Variants in BIRC6 observed in about 807,000 individuals in gnomAD.
The protein encoded by BIRC6 is baculoviral IAP repeat containing 6.
BIRC6 carries 98 observed loss-of-function variants against 503.3 expected under a neutral mutation model. That is an observed-to-expected ratio of 0.19 (90% CI 0.17 to 0.23). BIRC6 has a LOEUF of 0.23. Ranked by LOEUF, BIRC6 falls within the 10% of genes least tolerant of loss-of-function variation. The pLI is 1.00. For synonymous variants in BIRC6, 2,240 were observed against 2,078.7 expected, an observed-to-expected ratio of 1.08 and a Z score of -2.11; for missense variants, 5,360 against 5,806.0, an observed-to-expected ratio of 0.92 and a Z score of 2.50.
At position 32,499,993 on chromosome 2, in the gene BIRC6, G is replaced by T. The variant is rs147986197; in HGVS notation, c.8915G>T (p.Ser2972Ile). 1.2e-5 allele frequency: 19 copies of T among 1,613,876 alleles called. No homozygotes were observed. The highest frequency in any genetic ancestry group is 1.6e-5 in the Non-Finnish European group (19 of 1,179,882). Residue 2972 changes from serine to isoleucine, a missense_variant, in exon 46 of 74, where the codon AGT (serine) becomes ATT (isoleucine). Coordinates refer to ENST00000421745, the MANE Select transcript of BIRC6 (RefSeq NM_016252.4). ...GGKDGNGSST[S>I]VQGSPAYVAD... ...AAAGATGGCAATGGAAGCAGTACCAGTGTTCAAGGATCGCCTGCATATGTT... is the reference window on the plus strand; with the variant it reads ...AAAGATGGCAATGGAAGCAGTACCATTGTTCAAGGATCGCCTGCATATGTT...
rs1483710983 is a variant in BIRC6 at position 32,481,376 on chromosome 2, C to A, written c.7465C>A (p.Gln2489Lys). The change falls in exon 38 of 74, where the codon CAG becomes AAG. Residue 2489 changes from glutamine to lysine, a missense_variant. Gln to Lys is a moderately conservative substitution (Grantham distance 53, BLOSUM62 1). Coordinates refer to ENST00000421745, the MANE Select transcript of BIRC6 (RefSeq NM_016252.4). ...TAAAGAAATTGACCTTGAGTTACTTCAGGATCTAATGGAAGTTGACATTGA... is the reference window on the plus strand; with the variant it reads ...TAAAGAAATTGACCTTGAGTTACTTAAGGATCTAATGGAAGTTGACATTGA... ...KDKEIDLELL[Q>K]DLMEVDIDPL... 6.2e-7 allele frequency: 1 copy of A among 1,611,544 alleles called. No homozygotes were observed. The highest frequency in any genetic ancestry group is 1.1e-5 in the South Asian group (1 of 90,824).
chr2:32,432,197 G>T (rs563129822), intron 12 of BIRC6, among the ~76,000 whole-genome samples: 4 of 152,180 alleles, frequency 2.6e-5, no homozygotes, highest in Non-Finnish European at 4.4e-5. Context: ...AGGTAAATCA[G>T]TTGAGGCCAG....
chr2:32,573,198 GT>G lies in BIRC6; in HGVS notation c.13145-1952del, dbSNP rs1275708919. ...GTCCAGCAACAGGTTTTCAGTAAATGTTTTTTGTTTGTTTGTTTTTGAGACT... is the reference window on the plus strand; with the variant it reads ...GTCCAGCAACAGGTTTTCAGTAAATGTTTTTGTTTGTTTGTTTTTGAGACT... On this transcript the variant is annotated intron_variant, in intron 65 of 73. Transcript: ENST00000421745. 2.0e-5 allele frequency among the ~76,000 whole-genome samples: 3 copies of G among 152,150 alleles called. No individual in the cohort carries two copies. In the East Asian group the frequency reaches 5.8e-4, roughly 29 times the overall value.
At chr2:32,609,035 G>A (rs1483275320) in intron 72 of BIRC6, among the ~76,000 whole-genome samples, 2 of 151,116 alleles carry the variant, frequency 1.3e-5, no homozygotes, top group Admixed American at 6.6e-5. Flanking sequence ...GCATACCACC[G>A]CAACTGGCTA....
rs2048742825 is a variant in BIRC6, at chr2:32,468,054, C to T, written c.5723C>T (p.Pro1908Leu). 1.2e-6 allele frequency: 2 copies of T among 1,613,732 alleles called. No homozygotes were observed. Among genetic ancestry groups the T allele is most frequent in the Non-Finnish European group, 1.7e-6 (2 of 1,179,860 alleles). Residue 1908 changes from proline to leucine, a missense_variant, in exon 28 of 74, where the codon CCA becomes CTA. Pro to Leu is a moderately conservative substitution (Grantham distance 98). Around this residue, in one of 16 missense-constraint regions of BIRC6, gnomAD observed 2,299 missense variants for 2,267.2 expected, o/e 1.01. Coordinates refer to ENST00000421745, the MANE Select transcript of BIRC6 (RefSeq NM_016252.4). Reference sequence around the variant, plus strand: ...GGAGAGGGAGAATCTGCAAACCAGCCAGAAATTGACCAGCATTTAGCAATG... The same window carrying T: ...GGAGAGGGAGAATCTGCAAACCAGCTAGAAATTGACCAGCATTTAGCAATG... ...LKGEGESANQ[P>L]EIDQHLAMMV...
chr2:32,606,725 G>T (rs1184102542), intron 71 of BIRC6, among the ~76,000 whole-genome samples: 1 of 151,982 alleles, frequency 6.6e-6, no homozygotes, highest in Non-Finnish European at 1.5e-5. Context: ...GCATGGCTAG[G>T]CCAGGCACAG....
chr2:32,551,757 CA>C (rs2058439928), intron 65 of BIRC6, among the ~76,000 whole-genome samples: 1 of 152,134 alleles, frequency 6.6e-6, no homozygotes, highest in Admixed American at 6.5e-5. Context: ...TCCACTCCAC[CA>C]TTTTTTACTA....
chr2:32,435,451 T>C, intron 13 of BIRC6, 45 bp from the exon 14 acceptor site: 2 of 1,497,868 alleles, frequency 1.3e-6, no homozygotes, highest in South Asian at 1.4e-5. Context: ...TTTTATCCTC[T>C]AGAAACAGCA....
At chr2:32,537,858 C>T (rs1457321740) in intron 61 of BIRC6, among the ~76,000 whole-genome samples, 3 of 151,770 alleles carry the variant, frequency 2.0e-5, no homozygotes, top group African/African-American at 7.3e-5. Flanking sequence ...CCCAGCTACT[C>T]TGGAGGCTGA....
chr2:32,560,457 A>T (rs2059090950), intron 65 of BIRC6, among the ~76,000 whole-genome samples: 1 of 152,232 alleles, frequency 6.6e-6, no homozygotes, highest in African/African-American at 2.4e-5. Flanking sequence ...CCTAATGCTA[A>T]CTCAATAGAG....
chr2:32,423,227 G>T (rs1343677914), intron 10 of BIRC6, among the ~76,000 whole-genome samples: 1 of 152,140 alleles, frequency 6.6e-6, no homozygotes, highest in East Asian at 1.9e-4. Context: ...ACTGTTCCCG[G>T]CCTGAGACTC....
At chr2:32,409,956 A>G (rs2041670129) in intron 9 of BIRC6, among the ~76,000 whole-genome samples, 1 of 152,176 alleles carries the variant, frequency 6.6e-6, no homozygotes, top group Admixed American at 6.5e-5. Context: ...TGCTTCCCAC[A>G]TGTTGAATAA....
chr2:32,560,034 A>G (rs1392698341), intron 65 of BIRC6, among the ~76,000 whole-genome samples: 1 of 152,168 alleles, frequency 6.6e-6, no homozygotes, highest in Non-Finnish European at 1.5e-5. Flanking sequence ...AATGACAACA[A>G]TAATAATAAA....
chr2:32,502,728 A>G (rs1410715017), intron 47 of BIRC6, 67 bp from the exon 48 acceptor site: 6 of 1,185,668 alleles, frequency 5.1e-6, no homozygotes, highest in Admixed American at 2.5e-5. Flanking sequence ...GGAATATTAC[A>G]TGCATTGAGT....
intron 1 of BIRC6, among the ~76,000 whole-genome samples, chr2:32,376,501 ATT>A (rs1000348979): frequency 2.0e-5 from 3 of 152,192 alleles, no homozygotes; most frequent in Non-Finnish European, 2.9e-5. Context: ...ATTTGTGTAT[ATT>A]TTATGTCAGT....
At chr2:32,505,554 C>G (rs1210855107) in intron 50 of BIRC6, among the ~76,000 whole-genome samples, 2 of 152,168 alleles carry the variant, frequency 1.3e-5, no homozygotes, top group Non-Finnish European at 2.9e-5. Flanking sequence ...AGACCTCAGT[C>G]CTAGCCTTGT....
At position 32,486,049 on chromosome 2, in the gene BIRC6, A is replaced by G. The variant is rs369613341; in HGVS notation, c.7813+290A>G. Among the ~76,000 whole-genome samples, 22 of 152,210 alleles carry G rather than the reference A, an allele frequency of 1.4e-4. 1 individual carries two copies. Among genetic ancestry groups the G allele is most frequent in the Admixed American group, 9.2e-4 (14 of 15,288 alleles). On this transcript the variant is annotated intron_variant, in intron 40 of 73. Transcript: ENST00000421745. ...TTGTTGTAAGGTTAATAAAATTCCT[A>G]CAGAAGCCTTCATACCTGCCTGTGA...
chr2:32,390,256 C>T (rs1271010756), intron 4 of BIRC6, among the ~76,000 whole-genome samples: 4 of 151,632 alleles, frequency 2.6e-5, no homozygotes, highest in East Asian at 3.9e-4. Flanking sequence ...CTGCGAGCTC[C>T]GCCTCCCATG....
intron 5 of BIRC6, 147 bp from the exon 6 acceptor site, chr2:32,395,364 A>C: frequency 1.8e-6 from 1 of 565,594 alleles, no homozygotes; most frequent in South Asian, 2.5e-5. Context: ...GTTTCAGTGT[A>C]TTGTTGGACC....
Sources: gnomAD v4.1 joint callset for allele counts (sites outside exome capture counted in the v4.1 genomes callset) on GRCh38, gnomAD v4.1.1 for gene constraint, gnomAD v4.1.1 regional missense constraint, MANE v1.5 for transcripts, NCBI Gene and HGNC (gene_info 2026-07-23, HGNC 2026-07-21) for gene names.